Variants in TRPS1 observed in about 807,000 individuals in gnomAD.
TRPS1 encodes the protein zinc finger transcription factor Trps1.
Under a neutral mutation model 101.2 loss-of-function variants are expected in TRPS1, and 6 were observed. That is an observed-to-expected ratio of 0.06 (90% CI 0.03 to 0.12). The LOEUF is 0.12. Ranked by LOEUF, TRPS1 falls within the 10% of genes least tolerant of loss-of-function variation. The pLI, the probability that TRPS1 is intolerant of heterozygous loss-of-function variation, is 1.00. For missense variants in TRPS1, 1,363 were observed against 1,567.0 expected (o/e 0.87, Z 2.20); for synonymous variants, 578 against 589.8 (o/e 0.98, Z 0.29).
intron 4 of TRPS1, among the ~76,000 whole-genome samples, chr8:115,589,011 T>C (rs1333748990): frequency 6.6e-6 from 1 of 152,096 alleles, no homozygotes; most frequent in South Asian, 2.1e-4. Flanking sequence ...GTAATTGGTA[T>C]AAAGGGCTGC....
chr8:115,458,703 A>G (rs1814090805), intron 5 of TRPS1, among the ~76,000 whole-genome samples: 1 of 152,230 alleles, frequency 6.6e-6, no homozygotes, highest in South Asian at 2.1e-4. Flanking sequence ...AGGGAAATGT[A>G]TTAACACAGA....
At chr8:115,520,026 T>C (rs906238529) in intron 5 of TRPS1, among the ~76,000 whole-genome samples, 2 of 151,694 alleles carry the variant, frequency 1.3e-5, no homozygotes, top group African/African-American at 4.8e-5. Context: ...GAAATAAGCA[T>C]CTAGATTCTA....
At chr8:115,424,751 T>C (rs1294573708) in intron 5 of TRPS1, among the ~76,000 whole-genome samples, 1 of 152,218 alleles carries the variant, frequency 6.6e-6, no homozygotes, top group Non-Finnish European at 1.5e-5. Context: ...AATACTTGCT[T>C]ATTTTCACAT....
intron 5 of TRPS1, among the ~76,000 whole-genome samples, chr8:115,458,126 T>C (rs929699072): frequency 6.6e-6 from 1 of 152,060 alleles, no homozygotes. Context: ...AATGACTGCA[T>C]GTGAGGAAAT....
intron 1 of TRPS1, among the ~76,000 whole-genome samples, chr8:115,641,363 T>C (rs901057671): frequency 1.3e-5 from 2 of 152,204 alleles, no homozygotes; most frequent in African/African-American, 2.4e-5. Context: ...TTTTGGAATA[T>C]TCCATTTTAG....
chr8:115,631,501 T>C (rs945124633), intron 1 of TRPS1, among the ~76,000 whole-genome samples: 8 of 152,038 alleles, frequency 5.3e-5, no homozygotes, highest in African/African-American at 1.2e-4. Flanking sequence ...ATGGTGACTA[T>C]TGCAGAGGAA....
intron 1 of TRPS1, among the ~76,000 whole-genome samples, chr8:115,640,571 T>C (rs1818872433): frequency 6.6e-6 from 1 of 152,154 alleles, no homozygotes; most frequent in Non-Finnish European, 1.5e-5. Flanking sequence ...ATAGTACTAA[T>C]ATGAACACGC....
chr8:115,411,659 T>C lies in TRPS1; in HGVS notation c.*2364A>G, dbSNP rs1812792460. On this transcript the variant is annotated 3_prime_UTR_variant, in exon 7 of 7. Transcript: ENST00000395715. The stretch of plus-strand genomic sequence containing the variant: ...CATCACATAATTTGAATGTCAAAGC[T>C]CCTCATTCCACTTCTTTATTTCAGT... The C allele has an allele frequency of 6.6e-6, 1 of 152,520 alleles. No individual in the cohort carries two copies. The highest frequency in any genetic ancestry group is 6.6e-5 in the Admixed American group (1 of 15,248). The allele number at this position is 152,520 out of a possible 1,614,324, so 9.4% of individuals were successfully genotyped here.
intron 5 of TRPS1, among the ~76,000 whole-genome samples, chr8:115,515,869 G>A (rs1328819838): frequency 2.0e-5 from 3 of 151,332 alleles, no homozygotes; most frequent in Admixed American, 6.6e-5. Context: ...CAAAATTCAT[G>A]ACAGAGTAAA....
intron 5 of TRPS1, among the ~76,000 whole-genome samples, chr8:115,565,153 C>G (rs1305831772): frequency 3.3e-5 from 5 of 152,092 alleles, no homozygotes; most frequent in Admixed American, 1.3e-4. Context: ...AAGACTCCTG[C>G]TGACAAGCAG....
intron 3 of TRPS1, among the ~76,000 whole-genome samples, chr8:115,614,240 T>C (rs1818231479): frequency 6.6e-6 from 1 of 152,194 alleles, no homozygotes; most frequent in Admixed American, 6.5e-5. Context: ...TTCTTAGGAG[T>C]TGAATAATGC....
chr8:115,527,738 C>G (rs1413953570), intron 5 of TRPS1, among the ~76,000 whole-genome samples: 1 of 151,962 alleles, frequency 6.6e-6, no homozygotes, highest in Non-Finnish European at 1.5e-5. Flanking sequence ...GAGACATTTA[C>G]CTCCCCAAAT....
At position 115,538,456 on chromosome 8, in the gene TRPS1, C is replaced by G. The variant is rs549656003; in HGVS notation, c.2700+48545G>C. ...TGTTCATGAATTGCATTACTAGCAC[C>G]ATTTGGTGCTTCTCAGTATTTTTGG... On this transcript the variant is annotated intron_variant, in intron 5 of 6. Coordinates refer to ENST00000395715, the MANE Select transcript of TRPS1 (RefSeq NM_014112.5). 1.6e-4 allele frequency among the ~76,000 whole-genome samples: 24 copies of G among 152,172 alleles called. 1 individual carries two copies. In the South Asian group the frequency reaches 5.0e-3, roughly 32 times the overall value.
intron 5 of TRPS1, among the ~76,000 whole-genome samples, chr8:115,491,612 G>C (rs1452752207): frequency 5.3e-5 from 8 of 151,740 alleles, no homozygotes; most frequent in Admixed American, 5.3e-4. Context: ...CCATGAGCGA[G>C]ACCTGGTAGA....
Position 115,409,596 on chromosome 8 carries a change from T to C in TRPS1, c.*4427A>G, listed in dbSNP as rs1037269913. On this transcript the variant is annotated 3_prime_UTR_variant, in exon 7 of 7. Coordinates refer to ENST00000395715, the MANE Select transcript of TRPS1 (RefSeq NM_014112.5). ...TGCTTTCTAAGCAACTGCAGCACTA[T>C]CAGGAACATGTGAGCCCACTGTCTA... 6.6e-6 allele frequency: 1 copy of C among 152,076 alleles called. No individual in the cohort carries two copies. The highest frequency in any genetic ancestry group is 1.5e-5 in the Non-Finnish European group (1 of 67,994). The allele number at this position is 152,076 out of a possible 1,614,324, so 9.4% of individuals were successfully genotyped here. A position where few individuals can be genotyped will look rare whatever the true frequency, so the allele number is the denominator to read the frequency against.
At chr8:115,645,766 T>A (rs1279743341) in intron 1 of TRPS1, among the ~76,000 whole-genome samples, 2 of 152,162 alleles carry the variant, frequency 1.3e-5, no homozygotes, top group East Asian at 1.9e-4. Context: ...GGCAAAGATG[T>A]ACAATGTGAA....
intron 4 of TRPS1, 22 bp downstream of exon 4, chr8:115,603,851 G>A (rs1467791538): frequency 1.2e-5 from 19 of 1,612,974 alleles, no homozygotes; most frequent in South Asian, 6.6e-5. Context: ...TATTCCTCCC[G>A]ACCCCACCCC....
intron 5 of TRPS1, among the ~76,000 whole-genome samples, chr8:115,531,358 C>A (rs1816127629): frequency 6.6e-6 from 1 of 152,118 alleles, no homozygotes; most frequent in African/African-American, 2.4e-5. Context: ...GGTCACTAGA[C>A]AGACTAGCAA....
At chr8:115,514,732 T>C (rs1156298675) in intron 5 of TRPS1, among the ~76,000 whole-genome samples, 1 of 151,524 alleles carries the variant, frequency 6.6e-6, no homozygotes, top group Non-Finnish European at 1.5e-5. Context: ...ATGACGCAAT[T>C]CCAAATACTT....
Sources: gnomAD v4.1 joint callset for allele counts (sites outside exome capture counted in the v4.1 genomes callset) on GRCh38, gnomAD v4.1.1 for gene constraint, MANE v1.5 for transcripts, NCBI Gene and HGNC (gene_info 2026-07-23, HGNC 2026-07-21) for gene names.